Variants in MYLK observed in about 807,000 individuals in gnomAD.
MYLK encodes myosin light chain kinase, also known as myosin light chain kinase, smooth muscle.
In MYLK, 106 loss-of-function variants were observed where a neutral mutation model predicts 203.4. That is an observed-to-expected ratio of 0.52 (90% CI 0.45 to 0.61). The LOEUF (loss-of-function observed/expected upper bound fraction) is 0.61, where lower values mean the gene tolerates loss of function less well. MYLK is among the 20% of genes least tolerant of loss of function. The probability of loss-of-function intolerance (pLI) is 0.00; values close to 1 mark genes in which losing one functional copy is unlikely to be tolerated. For synonymous variants in MYLK, 867 were observed against 959.5 expected, an observed-to-expected ratio of 0.90 and a Z score of 1.78; for missense variants, 2,072 against 2,442.3, an observed-to-expected ratio of 0.85 and a Z score of 3.20.
At chr3:123,826,028 T>C (rs912127871) in intron 3 of MYLK, among the ~76,000 whole-genome samples, 11 of 152,174 alleles carry the variant, frequency 7.2e-5, no homozygotes, top group African/African-American at 2.7e-4. Context: ...TTTGCAGGCA[T>C]GTCCCTGGCC....
chr3:123,653,986 TTGTGTGTGTGTGTGTGTGTGTGTGTG>T (rs752791805), intron 24 of MYLK, among the ~76,000 whole-genome samples: 1 of 137,650 alleles, frequency 7.3e-6, no homozygotes, highest in African/African-American at 2.7e-5. Context: ...CAGAGGGATG[TTGTGTGTGTGTGTGTGTGTGTGTGTG>T]TGTGTGTGTG....
chr3:123,780,992 A>AGGT (rs1031890159), intron 4 of MYLK, among the ~76,000 whole-genome samples: 1 of 152,196 alleles, frequency 6.6e-6, no homozygotes, highest in African/African-American at 2.4e-5. Flanking sequence ...TCCCTGGAAG[A>AGGT]GGTGACATTT....
chr3:123,646,142 A>C (rs2108167004), intron 27 of MYLK, among the ~76,000 whole-genome samples: 1 of 152,326 alleles, frequency 6.6e-6, no homozygotes, highest in East Asian at 1.9e-4. Context: ...ACAACAACAA[A>C]CAAACCAAAC....
Position 123,747,534 on chromosome 3 carries a change from G to A in MYLK, c.373+4797C>T, listed in dbSNP as rs543325198. Among the ~76,000 whole-genome samples, 20 of 152,298 alleles carry A rather than the reference G, an allele frequency of 1.3e-4. No homozygotes were observed. The South Asian group carries it at 3.9e-3, about 30-fold the overall frequency. The stretch of plus-strand genomic sequence containing the variant: ...TCAAGTTTGAGAATCACTGTACTAG[G>A]TGGAATATATCACACATGTAATTAA... On this transcript the variant is annotated intron_variant, in intron 5 of 33. Transcript: ENST00000360304.
In MYLK at chr3:123,640,582, G is replaced by T; in HGVS notation, c.4620-78C>A. 4 of 1,498,608 alleles carry T rather than the reference G, an allele frequency of 2.7e-6. No individual in the cohort carries two copies. Among genetic ancestry groups the T allele is most frequent in the Non-Finnish European group, 3.7e-6 (4 of 1,080,518 alleles). 92.8% of individuals were successfully genotyped at this position (1,498,608 alleles called of 1,614,324 possible). ...CTGGCAGGGAGTCTGGCCAGGGTAG[G>T]CTGGGGGTAGGAGAAATTGGCAGGA... On this transcript the variant is annotated intron_variant, in intron 27 of 33. Coordinates refer to ENST00000360304, the MANE Select transcript of MYLK (RefSeq NM_053025.4). The surrounding 1 kb of genome is among the most constrained non-coding windows in gnomAD (Gnocchi z 4.3).
chr3:123,653,986 T>TTGTGTGTGTG (rs752791805), intron 24 of MYLK, among the ~76,000 whole-genome samples: 1,989 of 137,718 alleles, frequency 0.014, 38 homozygotes, highest in Non-Finnish European at 0.017. Flanking sequence ...CAGAGGGATG[T>TTGTGTGTGTG]TGTGTGTGTG....
chr3:123,692,884 G>A, intron 18 of MYLK, 33 bp from the exon 19 acceptor site: 1 of 1,567,600 alleles, frequency 6.4e-7, no homozygotes, highest in African/African-American at 1.3e-5. Flanking sequence ...TGAACCAGGT[G>A]TGGTCGTAGT....
intron 16 of MYLK, among the ~76,000 whole-genome samples, chr3:123,704,387 T>C (rs920302874): frequency 1.3e-5 from 2 of 152,136 alleles, no homozygotes; most frequent in Non-Finnish European, 2.9e-5. Flanking sequence ...ACATAACCAG[T>C]TACAAAATCA....
At chr3:123,865,503 G>A (rs753797658) in intron 2 of MYLK, among the ~76,000 whole-genome samples, 6 of 152,190 alleles carry the variant, frequency 3.9e-5, no homozygotes, top group Non-Finnish European at 7.3e-5. Context: ...CCCTGTGTTC[G>A]TGCATTCATT....
intron 2 of MYLK, among the ~76,000 whole-genome samples, 180 bp from the exon 3 acceptor site, chr3:123,831,850 C>CAGGAACAATAG (rs2066340889): frequency 6.6e-6 from 1 of 152,100 alleles, no homozygotes; most frequent in East Asian, 1.9e-4. Context: ...GTTTAGAGTT[C>CAGGAACAATAG]AGGAACAATA....
chr3:123,803,282 A>G (rs1465520471), intron 3 of MYLK, among the ~76,000 whole-genome samples: 1 of 152,244 alleles, frequency 6.6e-6, no homozygotes, highest in Non-Finnish European at 1.5e-5. Flanking sequence ...AGCTGAATCT[A>G]TGATGACTGC....
intron 2 of MYLK, among the ~76,000 whole-genome samples, chr3:123,846,171 G>A (rs928286399): frequency 5.9e-5 from 9 of 152,298 alleles, no homozygotes; most frequent in Middle Eastern, 3.4e-3. Flanking sequence ...ATACATTTGT[G>A]TCTCTTTGGG....
rs369665824 is a variant in MYLK at position 123,751,857 on chromosome 3, G to A, written c.373+474C>T. ...AACAGACTTGAAGGATGTGAAAGGA[G>A]CGTCAGGTGAGAGGCTGAGGGAAGG... On this transcript the variant is annotated intron_variant, in intron 5 of 33. Coordinates refer to ENST00000360304, the MANE Select transcript of MYLK (RefSeq NM_053025.4). Among the ~76,000 whole-genome samples, 5 of 152,310 alleles carry A rather than the reference G, an allele frequency of 3.3e-5. No individual in the cohort carries two copies. The East Asian group carries it at 5.8e-4, about 18-fold the overall frequency.
chr3:123,812,002 C>T (rs1256997775), intron 3 of MYLK, among the ~76,000 whole-genome samples: 1 of 152,184 alleles, frequency 6.6e-6, no homozygotes, highest in Non-Finnish European at 1.5e-5. Flanking sequence ...ATCATTAACG[C>T]TCAATATAAA....
chr3:123,687,864 G>T (rs1356183421), intron 19 of MYLK, among the ~76,000 whole-genome samples: 2 of 152,044 alleles, frequency 1.3e-5, no homozygotes, highest in African/African-American at 4.8e-5. Flanking sequence ...TAGAGACAGG[G>T]TTTCACCATG....
At position 123,642,538 on chromosome 3, in the gene MYLK, G is replaced by A. The variant is rs1241096828; in HGVS notation, c.4620-2034C>T. On this transcript the variant is annotated intron_variant, in intron 27 of 33. Coordinates refer to ENST00000360304, the MANE Select transcript of MYLK (RefSeq NM_053025.4). The surrounding 1 kb of genome is among the most constrained non-coding windows in gnomAD (Gnocchi z 4.2). ...AGGTCAGTCTGTGCCAGTGACAGCTGGAGGGAGCTAGAACTCATACTTTAA... is the reference window on the plus strand; with the variant it reads ...AGGTCAGTCTGTGCCAGTGACAGCTAGAGGGAGCTAGAACTCATACTTTAA... Among the ~76,000 whole-genome samples the A allele has an allele frequency of 6.6e-6, 1 of 152,166 alleles. No homozygotes were observed. The highest frequency in any genetic ancestry group is 1.5e-5 in the Non-Finnish European group (1 of 68,038).
intron 5 of MYLK, among the ~76,000 whole-genome samples, chr3:123,742,772 T>C (rs1231656756): frequency 6.6e-6 from 1 of 152,202 alleles, no homozygotes; most frequent in South Asian, 2.1e-4. Context: ...ATCCATACAA[T>C]GAAGTATTAT....
intron 28 of MYLK, among the ~76,000 whole-genome samples, chr3:123,638,411 G>A (rs2058720641): frequency 6.6e-6 from 1 of 152,170 alleles, no homozygotes; most frequent in African/African-American, 2.4e-5. Context: ...CAAATGTCCT[G>A]TGCAGGGTGG....
intron 4 of MYLK, among the ~76,000 whole-genome samples, chr3:123,772,153 C>A (rs573395965): frequency 1.3e-5 from 2 of 152,002 alleles, no homozygotes; most frequent in Non-Finnish European, 2.9e-5. Context: ...AAACAACATA[C>A]GAGAAGTCTT....
Sources: allele counts gnomAD v4.1 joint callset (sites outside exome capture counted in the v4.1 genomes callset), GRCh38; gene constraint gnomAD v4.1.1; non-coding constraint Gnocchi (gnomAD v3.1); transcripts MANE v1.5; gene names NCBI Gene and HGNC (gene_info 2026-07-23, HGNC 2026-07-21).